The following PDE6C variants were observed in gnomAD, a reference collection of about 807,000 sequenced individuals.
The protein encoded by PDE6C is cone cGMP-specific 3',5'-cyclic phosphodiesterase subunit alpha'.
PDE6C carries 75 observed loss-of-function variants against 113.1 expected under a neutral mutation model. The observed-to-expected ratio is 0.66, with a 90% CI of 0.55 to 0.80. The LOEUF is 0.80. PDE6C is among the 30% of genes least tolerant of loss of function. The probability of loss-of-function intolerance (pLI) is 0.00; values close to 1 mark genes in which losing one functional copy is unlikely to be tolerated. For synonymous variants in PDE6C, 375 were observed against 363.7 expected (o/e 1.03, Z -0.35); for missense variants, 912 against 1,038.6 (o/e 0.88, Z 1.67).
chr10:93,637,030 C>T lies in PDE6C; in HGVS notation c.1449C>T (p.Asp483=), dbSNP rs1229462164. 24 of 1,604,090 alleles carry T rather than the reference C, an allele frequency of 1.5e-5. No individual in the cohort carries two copies. Among genetic ancestry groups the T allele is most frequent in the African/African-American group, 8.0e-5 (6 of 74,702 alleles). Reference sequence around the variant, plus strand: ...AGAAGTTAAATGTTGATGTAATTGACGACTGTGAAGAAAAACAACTTGTTG... The same window carrying T: ...AGAAGTTAAATGTTGATGTAATTGATGACTGTGAAGAAAAACAACTTGTTG... The part of the protein sequence containing the change: ...FQEKLNVDVI[D]DCEEKQLVAI... Residue 483 remains aspartate, a synonymous_variant, in exon 11 of 22, where the codon GAC becomes GAT. Transcript: ENST00000371447.
intron 9 of PDE6C, 69 bp from the exon 10 acceptor site, chr10:93,635,428 C>A: frequency 8.3e-7 from 1 of 1,208,328 alleles, no homozygotes; most frequent in Non-Finnish European, 1.2e-6. Flanking sequence ...GAAAAGCGTG[C>A]AGATTGTTGC....
At chr10:93,656,652 C>T (rs1399906996) in intron 16 of PDE6C, among the ~76,000 whole-genome samples, 1 of 152,022 alleles carries the variant, frequency 6.6e-6, no homozygotes, top group East Asian at 1.9e-4. Flanking sequence ...TCACTGCAAT[C>T]TCGGCCTCCA....
intron 1 of PDE6C, among the ~76,000 whole-genome samples, chr10:93,616,652 CTTTTT>C (rs11418985): frequency 8.4e-6 from 1 of 118,484 alleles, no homozygotes; most frequent in Non-Finnish European, 1.7e-5. Flanking sequence ...GGCAGGAAGA[CTTTTT>C]TTTTTTTTTT....
At chr10:93,619,810 T>C (rs953034868) in intron 1 of PDE6C, among the ~76,000 whole-genome samples, 1 of 152,184 alleles carries the variant, frequency 6.6e-6, no homozygotes, top group Non-Finnish European at 1.5e-5. Context: ...ATTTCCTTTT[T>C]TGGGAATCTG....
At chr10:93,652,034 T>C (rs2058611663) in intron 15 of PDE6C, among the ~76,000 whole-genome samples, 1 of 151,778 alleles carries the variant, frequency 6.6e-6, no homozygotes, top group Non-Finnish European at 1.5e-5. Flanking sequence ...TGTGTGTGTG[T>C]GCCTGTGTGT....
intron 11 of PDE6C, 72 bp downstream of exon 11, chr10:93,637,135 G>A (rs905560278): frequency 3.3e-5 from 26 of 778,050 alleles, no homozygotes; most frequent in East Asian, 5.1e-5. Context: ...ATTAGGACAT[G>A]CTTTCTTGTT....
intron 11 of PDE6C, among the ~76,000 whole-genome samples, chr10:93,639,442 C>G (rs576500250): frequency 6.6e-6 from 1 of 152,306 alleles, no homozygotes; most frequent in South Asian, 2.1e-4. Flanking sequence ...GAAATCCTAA[C>G]CAGATGTGAG....
intron 10 of PDE6C, among the ~76,000 whole-genome samples, chr10:93,635,879 A>G (rs2058526724): frequency 1.3e-5 from 2 of 152,118 alleles, no homozygotes; most frequent in South Asian, 4.1e-4. Context: ...GGGCTATGGG[A>G]GCTATAGCAA....
intron 4 of PDE6C, among the ~76,000 whole-genome samples, chr10:93,622,435 T>A (rs1024741578): frequency 1.3e-5 from 2 of 152,094 alleles, no homozygotes; most frequent in Admixed American, 6.6e-5. Context: ...GTGTGATGAA[T>A]CAATATTGAT....
In PDE6C at chr10:93,655,757, C is replaced by A. The variant is rs781709992; in HGVS notation, c.1936-3C>A. The A allele has an allele frequency of 1.3e-6, 2 of 1,503,026 alleles. 1 individual carries two copies. The highest frequency in any genetic ancestry group is 3.3e-5 in the Admixed American group (2 of 59,840). 93.1% of individuals were successfully genotyped at this position (1,503,026 alleles called of 1,614,324 possible). ...CATTTTATTGTGAATTTTCATCTTA[C>A]AGAGTTTAAACATCTTCCAGAACCT... is the stretch of plus-strand genomic sequence containing the variant. On this transcript the variant is annotated splice_region_variant and splice_polypyrimidine_tract_variant and intron_variant, in intron 15 of 21. Coordinates refer to ENST00000371447, the MANE Select transcript of PDE6C (RefSeq NM_006204.4).
chr10:93,619,083 G>A (rs183362655), intron 1 of PDE6C, among the ~76,000 whole-genome samples: 8 of 152,244 alleles, frequency 5.3e-5, no homozygotes, highest in Admixed American at 2.0e-4. Context: ...AGGAAGGCTG[G>A]GTCTAAACCC....
chr10:93,632,101 C>T (rs2058504591), intron 8 of PDE6C, among the ~76,000 whole-genome samples: 1 of 152,232 alleles, frequency 6.6e-6, no homozygotes, highest in Non-Finnish European at 1.5e-5. Context: ...GCAGAGCCAG[C>T]AGCACCATCA....
At chr10:93,663,671 C>T (rs894480612) in intron 21 of PDE6C, among the ~76,000 whole-genome samples, 2 of 116,734 alleles carry the variant, frequency 1.7e-5, no homozygotes, top group East Asian at 2.6e-4. Flanking sequence ...CTGAAATTGC[C>T]GGTCTCCCAA....
intron 1 of PDE6C, among the ~76,000 whole-genome samples, chr10:93,616,086 C>A (rs1392432630): frequency 6.6e-6 from 1 of 152,244 alleles, no homozygotes; most frequent in African/African-American, 2.4e-5. Context: ...TTCCTCTTTT[C>A]ATTGCACTTG....
At chr10:93,642,148 G>A (rs891926428) in intron 14 of PDE6C, among the ~76,000 whole-genome samples, 5 of 152,100 alleles carry the variant, frequency 3.3e-5, no homozygotes, top group African/African-American at 1.2e-4. Flanking sequence ...GGCAGATCAC[G>A]AGGTCAGGAG....
chr10:93,631,613 G>T (rs1471631496), intron 8 of PDE6C, among the ~76,000 whole-genome samples: 3 of 152,192 alleles, frequency 2.0e-5, no homozygotes, highest in Non-Finnish European at 4.4e-5. Flanking sequence ...GCTCTTCAAC[G>T]GCATCACCTG....
chr10:93,639,555 A>G (rs1284130043), intron 11 of PDE6C, among the ~76,000 whole-genome samples: 1 of 152,196 alleles, frequency 6.6e-6, no homozygotes, highest in Non-Finnish European at 1.5e-5. Flanking sequence ...CCTTCATGGG[A>G]CAGGACCTGC....
chr10:93,620,995 G>A lies in PDE6C; in HGVS notation c.723+15G>A. The stretch of plus-strand genomic sequence containing the variant: ...GAAGAAGCCAGGTAAAAGGAAGGCA[G>A]CATTAGTCATTCCATGCTGACCTAT... On this transcript the variant is annotated intron_variant, in intron 3 of 21. Transcript: ENST00000371447. 4 of 1,598,186 alleles carry A rather than the reference G, an allele frequency of 2.5e-6. No homozygotes were observed. The highest frequency in any genetic ancestry group is 3.4e-6 in the Non-Finnish European group (4 of 1,165,628).
intron 18 of PDE6C, among the ~76,000 whole-genome samples, chr10:93,660,749 A>T (rs1589706428): frequency 2.6e-5 from 4 of 152,146 alleles, no homozygotes; most frequent in Admixed American, 2.6e-4. Context: ...CCCAAGCTAG[A>T]AACCTGGGGT....
Sources: gnomAD v4.1 joint callset for allele counts (sites outside exome capture counted in the v4.1 genomes callset) on GRCh38, gnomAD v4.1.1 for gene constraint, MANE v1.5 for transcripts, NCBI Gene and HGNC (gene_info 2026-07-23, HGNC 2026-07-21) for gene names.